ASXL2: variants seen among roughly 807,000 people sequenced by gnomAD.
ASXL2 encodes the protein ASXL transcriptional regulator 2, also known as putative Polycomb group protein ASXL2.
In ASXL2, 23 loss-of-function variants were observed where a neutral mutation model predicts 122.0. The observed-to-expected ratio is 0.19, with a 90% CI of 0.14 to 0.27. The LOEUF (loss-of-function observed/expected upper bound fraction) is 0.27, where lower values mean the gene tolerates loss of function less well. Among genes scored for constraint, ASXL2 ranks in the 10% least tolerant of loss-of-function variants. ASXL2 has a pLI of 1.00. For missense variants in ASXL2, 1,518 were observed against 1,713.8 expected (o/e 0.89, Z 2.02); for synonymous variants, 650 against 637.0 (o/e 1.02, Z -0.31).
At chr2:25,839,828 T>C (rs1016659261) in intron 2 of ASXL2, among the ~76,000 whole-genome samples, 2 of 151,704 alleles carry the variant, frequency 1.3e-5, no homozygotes, top group Non-Finnish European at 2.9e-5. Flanking sequence ...GTACTAATAA[T>C]ACCTCATATA....
Position 25,734,366 on chromosome 2 carries a change from A to G in ASXL2, c.*7663T>C, listed in dbSNP as rs1050737220. The G allele has an allele frequency of 6.6e-6, 1 of 152,188 alleles. No individual in the cohort carries two copies. Among genetic ancestry groups the G allele is most frequent in the Non-Finnish European group, 1.5e-5 (1 of 68,018 alleles). The allele number at this position is 152,188 out of a possible 1,614,324, so 9.4% of individuals were successfully genotyped here. A position where few individuals can be genotyped will look rare whatever the true frequency, so the allele number is the denominator to read the frequency against. On this transcript the variant is annotated 3_prime_UTR_variant, in exon 13 of 13. Transcript: ENST00000435504. ...GTAGGTTAAGCTGGGGTCACTACTG[A>G]AGAAGTCTCCAAACTACTGAAACTT... is the stretch of plus-strand genomic sequence containing the variant.
chr2:25,806,385 T>C (rs2089082706), intron 3 of ASXL2, 48 bp from the exon 4 acceptor site: 1 of 1,275,626 alleles, frequency 7.8e-7, no homozygotes, highest in African/African-American at 1.5e-5. Context: ...AATTAATTTC[T>C]GTCTCTGAAT....
intron 8 of ASXL2, among the ~76,000 whole-genome samples, chr2:25,762,313 C>CA (rs35610577): frequency 0.055 from 5,858 of 107,300 alleles, 190 homozygotes; most frequent in African/African-American, 0.1. Flanking sequence ...ATGAACACAC[C>CA]AAAAAAAAAA....
chr2:25,748,082 A>G (rs930461732), intron 12 of ASXL2, among the ~76,000 whole-genome samples: 17 of 151,988 alleles, frequency 1.1e-4, no homozygotes, highest in African/African-American at 4.1e-4. Context: ...GGAGGCTGAG[A>G]CAGGAGAATC....
rs557595610 is a variant in ASXL2 at position 25,768,966 on chromosome 2, G to A, written c.505-98C>T. On this transcript the variant is annotated intron_variant, in intron 6 of 12. Transcript: ENST00000435504. ...TTAAATGGCAAGAAGCATGCTGATCGTTCAATTTCTTTGAAATCTATCAAA... is the reference window on the plus strand; with the variant it reads ...TTAAATGGCAAGAAGCATGCTGATCATTCAATTTCTTTGAAATCTATCAAA... The A allele has an allele frequency of 2.2e-5, 29 of 1,344,514 alleles. No individual in the cohort carries two copies. In the East Asian group the frequency reaches 2.8e-4, roughly 13 times the overall value. The allele number at this position is 1,344,514 out of a possible 1,614,324, so 83.3% of individuals were successfully genotyped here.
intron 8 of ASXL2, among the ~76,000 whole-genome samples, chr2:25,766,354 TG>T (rs1459851930): frequency 6.6e-6 from 1 of 152,230 alleles, no homozygotes; most frequent in African/African-American, 2.4e-5. Flanking sequence ...GTTCTTATAT[TG>T]TTTTTTATCA....
At chr2:25,850,184 A>C (rs1016237084) in intron 1 of ASXL2, among the ~76,000 whole-genome samples, 1 of 138,008 alleles carries the variant, frequency 7.2e-6, no homozygotes, top group Non-Finnish European at 1.6e-5. Flanking sequence ...CAAGGACTTA[A>C]ATTTTTTTTT....
intron 3 of ASXL2, among the ~76,000 whole-genome samples, chr2:25,824,381 C>T (rs532242690): frequency 4.6e-5 from 7 of 152,162 alleles, no homozygotes; most frequent in African/African-American, 1.7e-4. Flanking sequence ...GTGGAAGTTT[C>T]CATAAGAAAG....
intron 3 of ASXL2, among the ~76,000 whole-genome samples, chr2:25,819,900 C>T (rs1490282493): frequency 6.6e-6 from 1 of 152,004 alleles, no homozygotes; most frequent in African/African-American, 2.4e-5. Flanking sequence ...GCTTGCTTGA[C>T]TGACTTATTT....
chr2:25,871,101 A>G (rs1199764187), intron 1 of ASXL2, among the ~76,000 whole-genome samples: 1 of 152,220 alleles, frequency 6.6e-6, no homozygotes, highest in African/African-American at 2.4e-5. Flanking sequence ...ACAATAGTAA[A>G]AACATAACAA....
chr2:25,757,163 A>G (rs2088148223), intron 9 of ASXL2, among the ~76,000 whole-genome samples: 1 of 152,184 alleles, frequency 6.6e-6, no homozygotes, highest in Admixed American at 6.5e-5. Flanking sequence ...TGGATACTCC[A>G]CACAGTCAAG....
rs2087914656 is a variant in ASXL2 at position 25,744,931 on chromosome 2, T to C, written c.1861-455A>G. Among the ~76,000 whole-genome samples, 1 of 133,950 alleles carries C rather than the reference T, an allele frequency of 7.5e-6. No homozygotes were observed. 87.9% of individuals were successfully genotyped at this position (133,950 alleles called of 152,430 possible). A position where few individuals can be genotyped will look rare whatever the true frequency, so the allele number is the denominator to read the frequency against. ...CCAGGGGAAAATACTTGCTCTTCTC[T>C]GTTCCACACACACACACACACACAC... On this transcript the variant is annotated intron_variant, in intron 12 of 12. Transcript: ENST00000435504. The surrounding 1 kb of genome is among the most constrained non-coding windows in gnomAD (Gnocchi z 4.7).
At position 25,835,558 on chromosome 2, in the gene ASXL2, T is replaced by C. The variant is rs1014721661; in HGVS notation, c.141-18A>G. 3.6e-5 allele frequency: 10 copies of C among 281,008 alleles called. No homozygotes were observed. The highest frequency in any genetic ancestry group is 4.5e-5 in the African/African-American group (2 of 44,878). 17.4% of individuals were successfully genotyped at this position (281,008 alleles called of 1,614,324 possible). A position where few individuals can be genotyped will look rare whatever the true frequency, so the allele number is the denominator to read the frequency against. On this transcript the variant is annotated intron_variant, in intron 2 of 12. Coordinates refer to ENST00000435504, the MANE Select transcript of ASXL2 (RefSeq NM_018263.6). ...CTTACCTTCTGGAGTTGGAATGCAG[T>C]GCAGGAAAATGAAAGAAGGAAAAAA...
intron 1 of ASXL2, among the ~76,000 whole-genome samples, chr2:25,864,279 T>C (rs1413976452): frequency 6.6e-6 from 1 of 152,082 alleles, no homozygotes; most frequent in Non-Finnish European, 1.5e-5. Flanking sequence ...GGTGAGGAGT[T>C]AGCAAAAAAC....
rs151104723 is a variant in ASXL2, at chr2:25,766,343, T to G, written c.775+1240A>C. ...TTCTGTGGCTTTTTATTCTAAATAA[T>G]GTTCTTATATTGTTTTTTATCACAC... On this transcript the variant is annotated intron_variant, in intron 8 of 12. Coordinates refer to ENST00000435504, the MANE Select transcript of ASXL2 (RefSeq NM_018263.6). Among the ~76,000 whole-genome samples, 792 of 152,318 alleles carry G rather than the reference T, an allele frequency of 5.2e-3. 5 individuals are homozygous for G. Among genetic ancestry groups the G allele is most frequent in the African/African-American group, 0.018 (740 of 41,566 alleles).
chr2:25,851,503 T>C (rs1277256192), intron 1 of ASXL2, among the ~76,000 whole-genome samples: 3 of 152,326 alleles, frequency 2.0e-5, no homozygotes, highest in South Asian at 2.1e-4. Context: ...TTTATCACTA[T>C]TGATTTTCCA....
chr2:25,744,583 C>G lies in ASXL2; in HGVS notation c.1861-107G>C. 1 of 1,265,706 alleles carries G rather than the reference C, an allele frequency of 7.9e-7. No individual in the cohort carries two copies. Among genetic ancestry groups the G allele is most frequent in the Non-Finnish European group, 1.1e-6 (1 of 938,424 alleles). The allele number at this position is 1,265,706 out of a possible 1,614,324, so 78.4% of individuals were successfully genotyped here. A position where few individuals can be genotyped will look rare whatever the true frequency, so the allele number is the denominator to read the frequency against. On this transcript the variant is annotated intron_variant, in intron 12 of 12. Coordinates refer to ENST00000435504, the MANE Select transcript of ASXL2 (RefSeq NM_018263.6). This position sits in a 1 kb window ranked among gnomAD's most constrained non-coding sequence, Gnocchi z 4.7. The stretch of plus-strand genomic sequence containing the variant: ...TTAAAAACAGATGAACACTACAGTA[C>G]CTGTGACAAACATGGGTGGTCTATG...
At chr2:25,848,170 AAATC>A (rs1463772462) in intron 1 of ASXL2, among the ~76,000 whole-genome samples, 2 of 152,252 alleles carry the variant, frequency 1.3e-5, no homozygotes, top group African/African-American at 4.8e-5. Context: ...GGGGACTATT[AAATC>A]ATTATCAGAA....
At chr2:25,760,955 T>C (rs1324360319) in intron 8 of ASXL2, among the ~76,000 whole-genome samples, 4 of 152,336 alleles carry the variant, frequency 2.6e-5, no homozygotes, top group Admixed American at 1.3e-4. Flanking sequence ...TCTAGAAATG[T>C]AGAATAAAAA....
Sources: allele counts gnomAD v4.1 joint callset (sites outside exome capture counted in the v4.1 genomes callset), GRCh38; gene constraint gnomAD v4.1.1; non-coding constraint Gnocchi (gnomAD v3.1); transcripts MANE v1.5; gene names NCBI Gene and HGNC (gene_info 2026-07-23, HGNC 2026-07-21).